The following RAP1GDS1 variants were observed in gnomAD, a reference collection of about 807,000 sequenced individuals.
RAP1GDS1 encodes Rap1 GTPase-GDP dissociation stimulator 1.
A neutral mutation model predicts 71.1 loss-of-function variants in RAP1GDS1; 35 were observed. The observed-to-expected ratio is 0.49, with a 90% CI of 0.38 to 0.65. RAP1GDS1 has a LOEUF of 0.65. Ranked by LOEUF, RAP1GDS1 falls within the 30% of genes least tolerant of loss-of-function variation. The pLI is 0.00. For synonymous variants in RAP1GDS1, 229 were observed against 243.1 expected, an observed-to-expected ratio of 0.94 and a Z score of 0.54; for missense variants, 663 against 706.1, an observed-to-expected ratio of 0.94 and a Z score of 0.69.
chr4:98,348,236 A>G (rs899628103), intron 3 of RAP1GDS1, among the ~76,000 whole-genome samples: 5 of 151,472 alleles, frequency 3.3e-5, no homozygotes, highest in Admixed American at 1.3e-4. Context: ...TGTCCCTGTG[A>G]TAGTTTGCTG....
chr4:98,386,035 C>T (rs1385259020), intron 5 of RAP1GDS1, among the ~76,000 whole-genome samples: 1 of 150,696 alleles, frequency 6.6e-6, no homozygotes, highest in Non-Finnish European at 1.5e-5. Context: ...GCTTAAGCAA[C>T]AGCTGGCAGT....
chr4:98,266,547 A>G (rs1331435164), intron 1 of RAP1GDS1, among the ~76,000 whole-genome samples: 1 of 152,278 alleles, frequency 6.6e-6, no homozygotes, highest in Non-Finnish European at 1.5e-5. Context: ...AATAATAAAT[A>G]CTAATTTTGC....
At chr4:98,299,232 T>A (rs1001075024) in intron 2 of RAP1GDS1, among the ~76,000 whole-genome samples, 1 of 152,202 alleles carries the variant, frequency 6.6e-6, no homozygotes, top group African/African-American at 2.4e-5. Context: ...GCAAAGGAGA[T>A]GAACTCATCC....
At chr4:98,348,386 T>G (rs2110410929) in intron 3 of RAP1GDS1, among the ~76,000 whole-genome samples, 1 of 152,346 alleles carries the variant, frequency 6.6e-6, no homozygotes, top group Non-Finnish European at 1.5e-5. Context: ...TTTGGGTTGG[T>G]TCCAAGTTTT....
At chr4:98,289,490 A>C (rs2110271766) in intron 1 of RAP1GDS1, among the ~76,000 whole-genome samples, 1 of 150,980 alleles carries the variant, frequency 6.6e-6, no homozygotes, top group East Asian at 2.0e-4. Flanking sequence ...GTGAGAAAGT[A>C]ATGGGAGATG....
intron 1 of RAP1GDS1, among the ~76,000 whole-genome samples, chr4:98,276,726 A>C (rs1397740193): frequency 6.6e-6 from 1 of 152,190 alleles, no homozygotes; most frequent in African/African-American, 2.4e-5. Flanking sequence ...GACTATGGCA[A>C]CTAGAGCATT....
intron 7 of RAP1GDS1, among the ~76,000 whole-genome samples, chr4:98,412,690 A>G (rs879777059): frequency 3.9e-5 from 6 of 152,090 alleles, no homozygotes; most frequent in Non-Finnish European, 7.4e-5. Flanking sequence ...TGTATGTTCT[A>G]TTTTCCCTAA....
intron 5 of RAP1GDS1, among the ~76,000 whole-genome samples, chr4:98,383,520 T>A (rs751215954): frequency 6.6e-6 from 1 of 151,540 alleles, no homozygotes; most frequent in Non-Finnish European, 1.5e-5. Flanking sequence ...TCCTGAAATC[T>A]CTCTGAGATA....
intron 2 of RAP1GDS1, among the ~76,000 whole-genome samples, chr4:98,339,376 T>C (rs1218206286): frequency 6.6e-6 from 1 of 152,156 alleles, no homozygotes; most frequent in Non-Finnish European, 1.5e-5. Flanking sequence ...GCCAGTTGCC[T>C]ATAATTTGTA....
At chr4:98,325,745 G>T (rs1211255476) in intron 2 of RAP1GDS1, among the ~76,000 whole-genome samples, 2 of 139,536 alleles carry the variant, frequency 1.4e-5, no homozygotes, top group African/African-American at 5.4e-5. Flanking sequence ...ACACAGGAAG[G>T]GGAATATCAC....
At position 98,352,613 on chromosome 4, in the gene RAP1GDS1, C is replaced by T. The variant is rs1419324599; in HGVS notation, c.361+12C>T. 4 of 1,612,844 alleles carry T rather than the reference C, an allele frequency of 2.5e-6. No homozygotes were observed. The highest frequency in any genetic ancestry group is 3.3e-5 in the Admixed American group (2 of 59,786). On this transcript the variant is annotated intron_variant, in intron 4 of 14. Transcript: ENST00000408927. ...ATGTTACGATAGCCGTAAGTGTTGA[C>T]ATCTCAATAATACACATACATTTTT...
intron 2 of RAP1GDS1, among the ~76,000 whole-genome samples, chr4:98,323,455 C>A (rs1732338674): frequency 9.4e-6 from 1 of 106,064 alleles, no homozygotes; most frequent in Admixed American, 1.1e-4. Flanking sequence ...CAAAGCCGGG[C>A]AGAGACACAA....
chr4:98,303,361 T>TA (rs1728843984), intron 2 of RAP1GDS1, among the ~76,000 whole-genome samples: 1 of 152,030 alleles, frequency 6.6e-6, no homozygotes, highest in South Asian at 2.1e-4. Context: ...GTTGTACATC[T>TA]AAAAAACATA....
chr4:98,408,261 G>C (rs1184176093), intron 7 of RAP1GDS1, among the ~76,000 whole-genome samples: 1 of 151,878 alleles, frequency 6.6e-6, no homozygotes, highest in Non-Finnish European at 1.5e-5. Context: ...CAAGTAGGTG[G>C]GATTACAGGC....
intron 7 of RAP1GDS1, among the ~76,000 whole-genome samples, chr4:98,405,647 A>T (rs948714571): frequency 7.2e-5 from 11 of 152,062 alleles, no homozygotes; most frequent in Non-Finnish European, 1.5e-4. Flanking sequence ...GATAAACAAA[A>T]ATCCACATCT....
At chr4:98,374,407 T>A (rs1437790854) in intron 4 of RAP1GDS1, among the ~76,000 whole-genome samples, 2 of 152,224 alleles carry the variant, frequency 1.3e-5, no homozygotes, top group African/African-American at 2.4e-5. Flanking sequence ...TTATTCAGTT[T>A]TTCCACTAGA....
chr4:98,422,363 A>G (rs1364333412), intron 12 of RAP1GDS1, among the ~76,000 whole-genome samples: 3 of 151,912 alleles, frequency 2.0e-5, no homozygotes, highest in African/African-American at 7.2e-5. Flanking sequence ...GATTACAGGC[A>G]GGCGCCACCA....
At chr4:98,278,715 A>G (rs1724595552) in intron 1 of RAP1GDS1, among the ~76,000 whole-genome samples, 1 of 152,190 alleles carries the variant, frequency 6.6e-6, no homozygotes, top group Non-Finnish European at 1.5e-5. Flanking sequence ...ACCACAGAAT[A>G]GATTCCAAAT....
At chr4:98,335,670 A>G (rs1031951285) in intron 2 of RAP1GDS1, among the ~76,000 whole-genome samples, 1 of 151,968 alleles carries the variant, frequency 6.6e-6, no homozygotes, top group African/African-American at 2.4e-5. Context: ...ATTAATGACT[A>G]TATAATGTTC....
Sources: gnomAD v4.1 joint callset for allele counts (sites outside exome capture counted in the v4.1 genomes callset) on GRCh38, gnomAD v4.1.1 for gene constraint, MANE v1.5 for transcripts, NCBI Gene and HGNC (gene_info 2026-07-23, HGNC 2026-07-21) for gene names.